Variants in CPQ observed in about 807,000 individuals in gnomAD.
The protein encoded by CPQ is Ser-Met dipeptidase.
In CPQ, 37 loss-of-function variants were observed where a neutral mutation model predicts 45.7. The ratio of observed to expected loss-of-function variants is 0.81; its 90% CI spans 0.62 to 1.07. The LOEUF is 1.07. Ranked by LOEUF, CPQ falls within the 50% of genes least tolerant of loss-of-function variation. The pLI is 0.00. For synonymous variants in CPQ, 186 were observed against 205.8 expected, an observed-to-expected ratio of 0.90 and a Z score of 0.82; for missense variants, 537 against 572.9, an observed-to-expected ratio of 0.94 and a Z score of 0.64.
intron 4 of CPQ, among the ~76,000 whole-genome samples, chr8:96,932,840 G>A (rs769118241): frequency 2.0e-5 from 3 of 152,172 alleles, no homozygotes; most frequent in African/African-American, 4.8e-5. Flanking sequence ...TAATAGGTGT[G>A]CAATAGATAT....
intron 4 of CPQ, among the ~76,000 whole-genome samples, chr8:96,929,098 C>T (rs28493764): frequency 0.078 from 11,847 of 152,210 alleles, 885 homozygotes; most frequent in African/African-American, 0.2. Flanking sequence ...AGAGCTTGCT[C>T]GGGCTTTTGA....
chr8:96,744,476 C>T (rs1810148181), intron 1 of CPQ, among the ~76,000 whole-genome samples: 1 of 152,210 alleles, frequency 6.6e-6, no homozygotes, highest in Non-Finnish European at 1.5e-5. Context: ...CGGAGGTGTT[C>T]CTATTCGGCC....
At chr8:97,107,096 A>C (rs540197194) in intron 7 of CPQ, among the ~76,000 whole-genome samples, 2 of 152,326 alleles carry the variant, frequency 1.3e-5, no homozygotes, top group East Asian at 3.9e-4. Context: ...GCTACAAAGG[A>C]TCTTTTTTTC....
At chr8:96,972,669 A>G (rs1321360172) in intron 5 of CPQ, among the ~76,000 whole-genome samples, 1 of 152,190 alleles carries the variant, frequency 6.6e-6, no homozygotes, top group Non-Finnish European at 1.5e-5. Context: ...AGGTGCTGGC[A>G]TCCATGGCTG....
intron 2 of CPQ, among the ~76,000 whole-genome samples, chr8:96,788,966 A>G (rs1425671041): frequency 6.6e-6 from 1 of 152,034 alleles, no homozygotes; most frequent in East Asian, 1.9e-4. Flanking sequence ...AAACTCCAGA[A>G]CTTCTCTTTG....
chr8:97,029,381 T>C (rs748025561), intron 5 of CPQ, 22 bp from the exon 6 acceptor site: 3 of 1,561,648 alleles, frequency 1.9e-6, no homozygotes, highest in Non-Finnish European at 2.6e-6. Context: ...AGTATCACTT[T>C]TTTATTTTAT....
intron 2 of CPQ, among the ~76,000 whole-genome samples, chr8:96,789,743 G>A (rs890925644): frequency 6.6e-6 from 1 of 152,188 alleles, no homozygotes; most frequent in Non-Finnish European, 1.5e-5. Context: ...TGGCTTAATA[G>A]TATTTTCTCC....
chr8:96,800,601 G>A (rs1202023511), intron 2 of CPQ, among the ~76,000 whole-genome samples: 2 of 152,056 alleles, frequency 1.3e-5, no homozygotes, highest in Non-Finnish European at 2.9e-5. Context: ...TATGATGGAT[G>A]GCCCCAGGGA....
At chr8:96,907,284 C>T (rs557682011) in intron 4 of CPQ, among the ~76,000 whole-genome samples, 2 of 152,224 alleles carry the variant, frequency 1.3e-5, no homozygotes, top group Admixed American at 6.5e-5. Context: ...CCTGCTGTCA[C>T]GTAGGACACT....
intron 7 of CPQ, among the ~76,000 whole-genome samples, chr8:97,132,395 T>A (rs1811972438): frequency 6.6e-6 from 1 of 152,198 alleles, no homozygotes; most frequent in African/African-American, 2.4e-5. Context: ...CGATTTCAGA[T>A]GGGAATTTGG....
chr8:96,942,073 A>G (rs535027683), intron 4 of CPQ, among the ~76,000 whole-genome samples: 1 of 152,288 alleles, frequency 6.6e-6, no homozygotes, highest in African/African-American at 2.4e-5. Flanking sequence ...TTATTTGGCA[A>G]TATCTAAATA....
intron 7 of CPQ, chr8:97,093,052 C>T (rs924747838): frequency 6.6e-6 from 1 of 152,000 alleles, no homozygotes; most frequent in Non-Finnish European, 1.5e-5. Flanking sequence ...AAGCAGCCAA[C>T]AAACATATGA....
chr8:97,055,861 A>G (rs562294398), intron 6 of CPQ, among the ~76,000 whole-genome samples: 1 of 152,246 alleles, frequency 6.6e-6, no homozygotes, highest in Non-Finnish European at 1.5e-5. Context: ...GCACTTTAGG[A>G]GGCCAAAGTG....
intron 1 of CPQ, among the ~76,000 whole-genome samples, chr8:96,748,369 C>G (rs1810216488): frequency 6.6e-6 from 1 of 152,022 alleles, no homozygotes; most frequent in Non-Finnish European, 1.5e-5. Context: ...AATTTTTACC[C>G]ACATCCAGCC....
chr8:96,718,600 A>T (rs1216925208), intron 1 of CPQ, among the ~76,000 whole-genome samples: 1 of 152,114 alleles, frequency 6.6e-6, no homozygotes, highest in Non-Finnish European at 1.5e-5. Flanking sequence ...GAAAGAACAA[A>T]GCTTCCACAG....
intron 7 of CPQ, among the ~76,000 whole-genome samples, chr8:97,120,500 A>ACTTC (rs1461938014): frequency 6.6e-6 from 1 of 152,248 alleles, no homozygotes; most frequent in Non-Finnish European, 1.5e-5. Flanking sequence ...TTCATTTTAC[A>ACTTC]AGTTTATTCA....
At chr8:96,853,145 T>G (rs1811793435) in intron 3 of CPQ, among the ~76,000 whole-genome samples, 1 of 152,222 alleles carries the variant, frequency 6.6e-6, no homozygotes, top group South Asian at 2.1e-4. Flanking sequence ...ACATTCTTCC[T>G]CAGTTGCCAC....
At chr8:96,918,693 C>T (rs1175607440) in intron 4 of CPQ, among the ~76,000 whole-genome samples, 2 of 151,990 alleles carry the variant, frequency 1.3e-5, no homozygotes, top group Non-Finnish European at 2.9e-5. Flanking sequence ...ATTTCACCTC[C>T]TTGTTCTTAG....
intron 6 of CPQ, chr8:97,055,464 T>G (rs1810438126): frequency 6.6e-6 from 1 of 152,128 alleles, no homozygotes; most frequent in African/African-American, 2.4e-5. Context: ...GCCAAATAAA[T>G]AATAACTCAA....
Sources: gnomAD v4.1 joint callset for allele counts (sites outside exome capture counted in the v4.1 genomes callset) on GRCh38, gnomAD v4.1.1 for gene constraint, MANE v1.5 for transcripts, NCBI Gene and HGNC (gene_info 2026-07-23, HGNC 2026-07-21) for gene names.